ZNF385A: variants seen among roughly 807,000 people sequenced by gnomAD.
ZNF385A encodes zinc finger protein 385A.
In ZNF385A, 14 loss-of-function variants were observed where a neutral mutation model predicts 32.1. The observed-to-expected ratio is 0.44, with a 90% CI of 0.29 to 0.68. ZNF385A has a LOEUF of 0.68. Ranked by LOEUF, ZNF385A falls within the 30% of genes least tolerant of loss-of-function variation. The pLI, the probability that ZNF385A is intolerant of heterozygous loss-of-function variation, is 0.14. For missense variants in ZNF385A, 406 were observed against 478.4 expected, an observed-to-expected ratio of 0.85 and a Z score of 1.41; for synonymous variants, 197 against 202.7, an observed-to-expected ratio of 0.97 and a Z score of 0.24.
At position 54,375,829 on chromosome 12, in the gene ZNF385A, A is replaced by G. The variant is rs1201111193; in HGVS notation, c.198+15T>C. The G allele has an allele frequency of 6.2e-7, 1 of 1,612,414 alleles. No homozygotes were observed. The highest frequency in any genetic ancestry group is 1.3e-5 in the African/African-American group (1 of 75,008). On this transcript the variant is annotated intron_variant, in intron 2 of 6. Transcript: ENST00000394313. ...TGCCCCACCCACTGGGTAGATGAGC[A>G]GCTTGGCTTCTTACCTGAGAATTGA... is the stretch of plus-strand genomic sequence containing the variant.
intron 4 of ZNF385A, 108 bp downstream of exon 4, chr12:54,371,365 G>A: frequency 7.0e-7 from 1 of 1,432,474 alleles, no homozygotes; most frequent in Non-Finnish European, 9.4e-7. Flanking sequence ...CAGATAGGCT[G>A]ATAGGTCTTA....
chr12:54,384,552 C>A lies in ZNF385A; in HGVS notation c.-38G>T. ...CCGTAGCAGAGGCAGGGGCCCTGCC[C>A]GGCTCAGGCTGCCTGAAGGGCAGAG... On this transcript the variant is annotated 5_prime_UTR_variant, in exon 1 of 7. Coordinates refer to ENST00000394313, the MANE Select transcript of ZNF385A (RefSeq NM_015481.3). 1 of 1,479,768 alleles carries A rather than the reference C, an allele frequency of 6.8e-7. No homozygotes were observed. Among genetic ancestry groups the A allele is most frequent in the Non-Finnish European group, 9.0e-7 (1 of 1,115,808 alleles). 91.7% of individuals were successfully genotyped at this position (1,479,768 alleles called of 1,614,324 possible). A position where few individuals can be genotyped will look rare whatever the true frequency, so the allele number is the denominator to read the frequency against.
At chr12:54,387,571 C>T (rs1955525374), upstream of ZNF385A, among the ~76,000 whole-genome samples, 1 of 152,156 alleles carries the variant, frequency 6.6e-6, no homozygotes, top group Non-Finnish European at 1.5e-5. Flanking sequence ...CACAATCTCC[C>T]AGTAGGTGGT....
upstream of ZNF385A, among the ~76,000 whole-genome samples, chr12:54,387,782 A>G (rs987741442): frequency 3.9e-5 from 6 of 152,210 alleles, no homozygotes; most frequent in Admixed American, 2.0e-4. Flanking sequence ...GATGATGACA[A>G]TTGGCTCAGA....
intron 1 of ZNF385A, chr12:54,379,125 G>T: frequency 1.0e-6 from 1 of 981,294 alleles, no homozygotes; most frequent in Non-Finnish European, 1.2e-6. Flanking sequence ...GGGCTGGGGG[G>T]CCGCGCCTGG....
At chr12:54,382,137 G>A (rs1192917231) in intron 1 of ZNF385A, among the ~76,000 whole-genome samples, 1 of 150,510 alleles carries the variant, frequency 6.6e-6, no homozygotes, top group African/African-American at 2.4e-5. Flanking sequence ...GCGCAATCTC[G>A]GCTCACTGCA....
intron 1 of ZNF385A, among the ~76,000 whole-genome samples, chr12:54,377,690 C>T (rs559592847): frequency 2.3e-4 from 35 of 152,262 alleles, no homozygotes; most frequent in African/African-American, 7.5e-4. Context: ...GACTGCTGCT[C>T]TCAGTTCCCA....
intron 1 of ZNF385A, among the ~76,000 whole-genome samples, chr12:54,389,809 G>A (rs1048980511): frequency 1.3e-5 from 2 of 152,104 alleles, no homozygotes; most frequent in South Asian, 4.1e-4. Flanking sequence ...TTCATAGAAG[G>A]GTGGGTAATA....
At chr12:54,382,979 T>C (rs1955277082) in intron 1 of ZNF385A, among the ~76,000 whole-genome samples, 1 of 152,036 alleles carries the variant, frequency 6.6e-6, no homozygotes, top group Admixed American at 6.5e-5. Flanking sequence ...CTGGCCAAGA[T>C]GGTGAAACCC....
chr12:54,374,017 G>A lies in ZNF385A; in HGVS notation c.317C>T (p.Pro106Leu). Residue 106 changes from proline to leucine, a missense_variant, in exon 3 of 7, where the codon CCA (proline) becomes CTA (leucine). Coordinates refer to ENST00000394313, the MANE Select transcript of ZNF385A (RefSeq NM_015481.3). ...ATCCCCATTTGTTGGGGTGCTGCCT[G>A]GGGGAGCTGGGTCTCCAGGTTCTCG... is the stretch of plus-strand genomic sequence containing the variant. ...GVREPGDPAP[P>L]GSTPTNGDGV... is the part of the protein sequence containing the mutation. 6.3e-7 allele frequency: 1 copy of A among 1,592,276 alleles called. No homozygotes were observed.
At chr12:54,388,775 A>C (rs1955560636), upstream of ZNF385A, among the ~76,000 whole-genome samples, 1 of 152,058 alleles carries the variant, frequency 6.6e-6, no homozygotes, top group Admixed American at 6.5e-5. Flanking sequence ...CCTCCCCAGA[A>C]GTGCCTAAAA....
At chr12:54,379,170 G>C (rs1955005135) in intron 1 of ZNF385A, 1 of 980,926 alleles carries the variant, frequency 1.0e-6, no homozygotes, top group Non-Finnish European at 1.2e-6. Flanking sequence ...GGCGCTCGTT[G>C]CCCGGGCGGC....
In ZNF385A at chr12:54,371,522, C is replaced by T. The variant is rs1373180245; in HGVS notation, c.555G>A (p.Leu185=). 1 of 1,612,846 alleles carries T rather than the reference C, an allele frequency of 6.2e-7. No individual in the cohort carries two copies. Among genetic ancestry groups the T allele is most frequent in the Non-Finnish European group, 8.5e-7 (1 of 1,179,574 alleles). ...EKAKRLLYCA[L]CKVAVNSLSQ... Reference sequence around the variant, plus strand: ...ACAGGGAGTTCACAGCCACCTTGCACAGAGCACAGTAGAGCAGCCGCTTGG... The same window carrying T: ...ACAGGGAGTTCACAGCCACCTTGCATAGAGCACAGTAGAGCAGCCGCTTGG... Residue 185 remains leucine (L), a synonymous_variant, in exon 4 of 7, where the codon CTG becomes CTA. Coordinates refer to ENST00000394313, the MANE Select transcript of ZNF385A (RefSeq NM_015481.3).
upstream of ZNF385A, among the ~76,000 whole-genome samples, chr12:54,386,317 C>A (rs1451428295): frequency 6.6e-6 from 1 of 151,808 alleles, no homozygotes; most frequent in Non-Finnish European, 1.5e-5. Context: ...GGATAGAGAA[C>A]AATGGAGAGA....
chr12:54,386,763 C>G (rs150820570), upstream of ZNF385A, among the ~76,000 whole-genome samples: 429 of 152,292 alleles, frequency 2.8e-3, 3 homozygotes, highest in African/African-American at 1.0e-2. Context: ...TCCCACTCCT[C>G]AAAGCCATCT....
intron 1 of ZNF385A, among the ~76,000 whole-genome samples, chr12:54,378,773 G>C (rs916821553): frequency 6.6e-6 from 1 of 152,064 alleles, no homozygotes; most frequent in Non-Finnish European, 1.5e-5. Context: ...GATCTGATCA[G>C]TGTGGTCATT....
chr12:54,371,747 C>T (rs1040377117), intron 3 of ZNF385A, 32 bp from the exon 4 acceptor site: 2 of 1,609,182 alleles, frequency 1.2e-6, no homozygotes, highest in Non-Finnish European at 1.7e-6. Flanking sequence ...GGGGATCACC[C>T]TAGATGGCTC....
At chr12:54,382,771 TCTAA>T (rs1252353957) in intron 1 of ZNF385A, among the ~76,000 whole-genome samples, 1 of 152,192 alleles carries the variant, frequency 6.6e-6, no homozygotes, top group African/African-American at 2.4e-5. Context: ...GGCTTCAGAT[TCTAA>T]CTATCTGTAG....
chr12:54,386,173 GACAC>G (rs57780822), upstream of ZNF385A, among the ~76,000 whole-genome samples: 3,183 of 137,990 alleles, frequency 0.023, 107 homozygotes, highest in African/African-American at 0.076. Context: ...GTGGAGAGAG[GACAC>G]ACACACACAC....
Sources: gnomAD v4.1 joint callset for allele counts (sites outside exome capture counted in the v4.1 genomes callset) on GRCh38, gnomAD v4.1.1 for gene constraint, MANE v1.5 for transcripts, NCBI Gene and HGNC (gene_info 2026-07-23, HGNC 2026-07-21) for gene names.